Variants in THSD4 observed in about 807,000 individuals in gnomAD.
THSD4 encodes thrombospondin type-1 domain-containing protein 4.
Under a neutral mutation model 119.0 loss-of-function variants are expected in THSD4, and 69 were observed. That is an observed-to-expected ratio of 0.58 (90% CI 0.48 to 0.71). The LOEUF (loss-of-function observed/expected upper bound fraction) is 0.71, where lower values mean the gene tolerates loss of function less well. Among genes scored for constraint, THSD4 ranks in the 30% least tolerant of loss-of-function variants. THSD4 has a pLI of 0.00. For missense variants in THSD4, 1,393 were observed against 1,391.1 expected, an observed-to-expected ratio of 1.00 and a Z score of -0.02; for synonymous variants, 524 against 540.4, an observed-to-expected ratio of 0.97 and a Z score of 0.42.
intron 6 of THSD4, among the ~76,000 whole-genome samples, chr15:71,386,597 T>C (rs1402602705): frequency 1.3e-5 from 2 of 152,230 alleles, no homozygotes; most frequent in African/African-American, 2.4e-5. Context: ...GCTAACATTA[T>C]CTGCCTTTAA....
intron 6 of THSD4, among the ~76,000 whole-genome samples, chr15:71,382,531 A>G (rs575550261): frequency 5.9e-5 from 9 of 152,234 alleles, no homozygotes; most frequent in African/African-American, 2.2e-4. Flanking sequence ...TTCTTCCTTC[A>G]TTCCTTCTGA....
intron 6 of THSD4, among the ~76,000 whole-genome samples, chr15:71,268,839 A>G (rs1318760058): frequency 6.6e-6 from 1 of 152,204 alleles, no homozygotes; most frequent in Non-Finnish European, 1.5e-5. Context: ...AAACACCTCT[A>G]TGCAAATAAA....
At chr15:71,660,212 A>G (rs1224267696) in intron 7 of THSD4, among the ~76,000 whole-genome samples, 1 of 152,136 alleles carries the variant, frequency 6.6e-6, no homozygotes, top group East Asian at 1.9e-4. Context: ...AGCACAGACC[A>G]TCCTCTCCCC....
intron 5 of THSD4, among the ~76,000 whole-genome samples, chr15:71,252,731 T>C (rs1241675944): frequency 6.6e-6 from 1 of 152,266 alleles, no homozygotes; most frequent in Non-Finnish European, 1.5e-5. Context: ...ATGCAGCTCA[T>C]TTAACTTTTT....
At chr15:71,507,330 T>C (rs1297733933) in intron 7 of THSD4, among the ~76,000 whole-genome samples, 3 of 152,218 alleles carry the variant, frequency 2.0e-5, no homozygotes, top group Admixed American at 2.0e-4. Flanking sequence ...TGTCAAATTA[T>C]ATTCCAGGAA....
chr15:71,212,637 A>G (rs532241262), intron 3 of THSD4, among the ~76,000 whole-genome samples: 1 of 152,348 alleles, frequency 6.6e-6, no homozygotes, highest in Non-Finnish European at 1.5e-5. Flanking sequence ...TCTCATTTTA[A>G]CCTTCTGTTT....
intron 7 of THSD4, among the ~76,000 whole-genome samples, chr15:71,620,347 T>G (rs541062479): frequency 1.6e-4 from 25 of 151,632 alleles, no homozygotes; most frequent in Admixed American, 4.6e-4. Context: ...AATCCCAGAG[T>G]TTCAAGGGGA....
chr15:71,615,727 A>G (rs1265940944), intron 7 of THSD4, among the ~76,000 whole-genome samples: 1 of 152,164 alleles, frequency 6.6e-6, no homozygotes, highest in East Asian at 1.9e-4. Flanking sequence ...TCACATGAGA[A>G]AGGGTGTAAA....
chr15:71,113,042 A>G (rs913062896), upstream of THSD4, among the ~76,000 whole-genome samples: 5 of 152,100 alleles, frequency 3.3e-5, no homozygotes, highest in African/African-American at 1.2e-4. Flanking sequence ...AAAAAAAATT[A>G]GTCAAATGTG....
intron 7 of THSD4, among the ~76,000 whole-genome samples, chr15:71,430,840 A>G (rs535780647): frequency 2.6e-5 from 4 of 151,486 alleles, no homozygotes; most frequent in African/African-American, 9.7e-5. Context: ...TATGTAAGGT[A>G]CTAGGCCAGT....
At chr15:71,108,670 C>T (rs1045423869) in intron 1 of THSD4, among the ~76,000 whole-genome samples, 2 of 152,062 alleles carry the variant, frequency 1.3e-5, no homozygotes, top group Non-Finnish European at 2.9e-5. Flanking sequence ...TCATTTTTTC[C>T]CCTGGGCCTC....
chr15:71,741,684 TACACACACAC>T (rs56080459), intron 11 of THSD4, among the ~76,000 whole-genome samples: 44,643 of 145,634 alleles, frequency 0.31, 7,604 homozygotes, highest in Non-Finnish European at 0.39. Flanking sequence ...TGTGTGCATG[TACACACACAC>T]ACACACACAC....
chr15:71,555,022 T>A (rs1344092945), intron 7 of THSD4, among the ~76,000 whole-genome samples: 4 of 152,174 alleles, frequency 2.6e-5, no homozygotes, highest in African/African-American at 9.6e-5. Flanking sequence ...TCACCCTGAA[T>A]TTTATGGTTT....
intron 8 of THSD4, among the ~76,000 whole-genome samples, chr15:71,692,669 G>A (rs184289841): frequency 9.2e-5 from 14 of 152,164 alleles, no homozygotes; most frequent in African/African-American, 1.9e-4. Flanking sequence ...TTGGAGTGTC[G>A]CTCTGACCTC....
intron 7 of THSD4, among the ~76,000 whole-genome samples, chr15:71,605,951 A>G (rs1048982698): frequency 6.6e-6 from 1 of 152,168 alleles, no homozygotes; most frequent in Non-Finnish European, 1.5e-5. Flanking sequence ...GACAAAACCA[A>G]CGGAGTGAGC....
intron 11 of THSD4, among the ~76,000 whole-genome samples, chr15:71,739,824 G>T (rs1289503590): frequency 6.8e-6 from 1 of 147,766 alleles, no homozygotes; most frequent in Non-Finnish European, 1.5e-5. Flanking sequence ...GCTTTGCTTT[G>T]CTTTGCTTTT....
At chr15:71,266,838 G>GCA (rs2044470440) in intron 6 of THSD4, among the ~76,000 whole-genome samples, 1 of 151,806 alleles carries the variant, frequency 6.6e-6, no homozygotes, top group Non-Finnish European at 1.5e-5. Context: ...TAGCTGAATT[G>GCA]ATCAAGCAGA....
rs543314432 is a variant in THSD4, at chr15:71,452,089, C to T, written c.1152+40266C>T. Among the ~76,000 whole-genome samples the T allele has an allele frequency of 1.6e-4, 24 of 152,314 alleles. No individual in the cohort carries two copies. The South Asian group carries it at 5.0e-3, about 32-fold the overall frequency. On this transcript the variant is annotated intron_variant, in intron 7 of 17. Coordinates refer to ENST00000261862, the MANE Select transcript of THSD4 (RefSeq NM_024817.3). ...AGTGCTGCTGATGCTCACAGGCTCC[C>T]CTGCATCCCTGCCAGGCTCCCAGCT... is the stretch of plus-strand genomic sequence containing the variant.
chr15:71,586,806 T>C (rs960648341), intron 7 of THSD4, among the ~76,000 whole-genome samples: 1 of 152,180 alleles, frequency 6.6e-6, no homozygotes. Flanking sequence ...ATCTTAGAAT[T>C]CTGCCTACCA....
Sources: allele counts gnomAD v4.1 joint callset (sites outside exome capture counted in the v4.1 genomes callset), GRCh38; gene constraint gnomAD v4.1.1; transcripts MANE v1.5; gene names NCBI Gene and HGNC (gene_info 2026-07-23, HGNC 2026-07-21).